Variants in MAMDC2 observed in about 807,000 individuals in gnomAD.
MAMDC2 encodes MAM domain-containing protein 2.
MAMDC2 carries 57 observed loss-of-function variants against 89.8 expected under a neutral mutation model. That is an observed-to-expected ratio of 0.63 (90% CI 0.51 to 0.79). The LOEUF (loss-of-function observed/expected upper bound fraction) is 0.79, where lower values mean the gene tolerates loss of function less well. MAMDC2 is among the 30% of genes least tolerant of loss of function. The probability of loss-of-function intolerance (pLI) is 0.00; values close to 1 mark genes in which losing one functional copy is unlikely to be tolerated. For synonymous variants in MAMDC2, 313 were observed against 293.4 expected (o/e 1.07, Z -0.68); for missense variants, 800 against 820.6 (o/e 0.97, Z 0.31).
At chr9:70,165,982 G>A (rs2032157858) in intron 9 of MAMDC2, among the ~76,000 whole-genome samples, 1 of 152,102 alleles carries the variant, frequency 6.6e-6, no homozygotes, top group Admixed American at 6.5e-5. Context: ...GCTCATGCCT[G>A]TAATCCTAAC....
chr9:70,210,998 A>G (rs10868713), intron 11 of MAMDC2, among the ~76,000 whole-genome samples: 118,684 of 151,584 alleles, frequency 0.78, 46,580 homozygotes, highest in Admixed American at 0.83. Flanking sequence ...CCAAGAGATC[A>G]GCTATTAGTT....
chr9:70,111,954 G>C (rs894037632), intron 4 of MAMDC2, among the ~76,000 whole-genome samples: 5 of 152,178 alleles, frequency 3.3e-5, no homozygotes, highest in African/African-American at 9.7e-5. Context: ...TCAAACAAGG[G>C]CTGCTTGACA....
At chr9:70,217,375 A>G (rs1201778347) in intron 11 of MAMDC2, 4 of 1,340,414 alleles carry the variant, frequency 3.0e-6, no homozygotes, top group Admixed American at 3.4e-5. Context: ...GAAGCACAAA[A>G]AGGGAGAGTC....
Position 70,205,793 on chromosome 9 carries a change from TCAA to T in MAMDC2, c.1652-12543_1652-12541del, listed in dbSNP as rs1156316169. Among the ~76,000 whole-genome samples the T allele has an allele frequency of 1.2e-4, 18 of 152,246 alleles. No individual in the cohort carries two copies. The South Asian group carries it at 3.7e-3, about 32-fold the overall frequency. On this transcript the variant is annotated intron_variant, in intron 11 of 13. Transcript: ENST00000377182. ...ACAACATGTGAGCTGGTCTGAAGCTTCAATACTGGGGCTTCCTGGCTCCCATCC... is the reference window on the plus strand; with the variant it reads ...ACAACATGTGAGCTGGTCTGAAGCTTTACTGGGGCTTCCTGGCTCCCATCC...
At position 70,119,460 on chromosome 9, in the gene MAMDC2, T is replaced by C. The variant is rs114223763; in HGVS notation, c.643+6328T>C. 9.0e-3 allele frequency among the ~76,000 whole-genome samples: 1,372 copies of C among 152,318 alleles called. 24 individuals carry two copies. Among genetic ancestry groups the C allele is most frequent in the African/African-American group, 0.032 (1,321 of 41,578 alleles). Reference sequence around the variant, plus strand: ...TTTATTTACTCTCTGCATTGATCCATTTGGTGCGTGGTGTAAGTACTCGGT... The same window carrying C: ...TTTATTTACTCTCTGCATTGATCCACTTGGTGCGTGGTGTAAGTACTCGGT... On this transcript the variant is annotated intron_variant, in intron 5 of 13. Coordinates refer to ENST00000377182, the MANE Select transcript of MAMDC2 (RefSeq NM_153267.5).
intron 11 of MAMDC2, among the ~76,000 whole-genome samples, chr9:70,210,467 C>G (rs184094437): frequency 6.6e-6 from 1 of 152,122 alleles, no homozygotes; most frequent in African/African-American, 2.4e-5. Context: ...CTGCCTTTTT[C>G]TTGTTTTCCA....
chr9:70,199,527 T>C (rs1427877361), intron 11 of MAMDC2, among the ~76,000 whole-genome samples: 1 of 146,438 alleles, frequency 6.8e-6, no homozygotes, highest in Non-Finnish European at 1.5e-5. Flanking sequence ...GCATGTGTCT[T>C]TATAGCAGCA....
At chr9:70,187,808 TTTCA>T (rs1422051500) in intron 11 of MAMDC2, among the ~76,000 whole-genome samples, 1 of 152,216 alleles carries the variant, frequency 6.6e-6, no homozygotes, top group African/African-American at 2.4e-5. Context: ...TTTGGATTGC[TTTCA>T]TTTTTTGGCT....
intron 11 of MAMDC2, among the ~76,000 whole-genome samples, chr9:70,208,899 T>A (rs2033288814): frequency 6.6e-6 from 1 of 151,618 alleles, no homozygotes; most frequent in African/African-American, 2.4e-5. Context: ...CATGTGGTTT[T>A]TGTCTTTGGT....
intron 9 of MAMDC2, among the ~76,000 whole-genome samples, chr9:70,166,999 C>G (rs1051900523): frequency 6.6e-6 from 1 of 152,120 alleles, no homozygotes; most frequent in Non-Finnish European, 1.5e-5. Context: ...TAACCGCATT[C>G]AGGGCTGATG....
At chr9:70,086,694 TTGAG>T (rs1827777066) in intron 2 of MAMDC2, 1 of 152,138 alleles carries the variant, frequency 6.6e-6, no homozygotes, top group African/African-American at 2.4e-5. Flanking sequence ...CCTCCAGGGA[TTGAG>T]TTTTTGACCT....
At chr9:70,160,684 G>A (rs989201763) in intron 9 of MAMDC2, among the ~76,000 whole-genome samples, 11 of 152,112 alleles carry the variant, frequency 7.2e-5, no homozygotes, top group African/African-American at 1.9e-4. Flanking sequence ...TGATGTCTTC[G>A]GCTAAGGGTG....
At chr9:70,121,195 CTA>C (rs1247578230) in intron 5 of MAMDC2, among the ~76,000 whole-genome samples, 3 of 152,212 alleles carry the variant, frequency 2.0e-5, no homozygotes, top group Non-Finnish European at 4.4e-5. Flanking sequence ...AGTTCTTTCC[CTA>C]ATGCAAGGGG....
At chr9:70,160,186 T>C (rs2031922242) in intron 9 of MAMDC2, among the ~76,000 whole-genome samples, 1 of 151,756 alleles carries the variant, frequency 6.6e-6, no homozygotes, top group South Asian at 2.1e-4. Context: ...CACTCTAGCC[T>C]GGGCAACAGA....
At chr9:70,126,626 T>C (rs1489184546) in intron 6 of MAMDC2, among the ~76,000 whole-genome samples, 1 of 152,188 alleles carries the variant, frequency 6.6e-6, no homozygotes, top group Non-Finnish European at 1.5e-5. Flanking sequence ...CTTCATTTCC[T>C]AGCAAGAGTC....
chr9:70,146,354 T>G (rs2031403874), intron 9 of MAMDC2, among the ~76,000 whole-genome samples: 1 of 152,124 alleles, frequency 6.6e-6, no homozygotes. Flanking sequence ...TCAGCCCCAG[T>G]GCAGATGAGG....
At chr9:70,193,388 AGCATAC>A (rs2032922159) in intron 11 of MAMDC2, among the ~76,000 whole-genome samples, 1 of 152,150 alleles carries the variant, frequency 6.6e-6, no homozygotes, top group Non-Finnish European at 1.5e-5. Context: ...CAGCTAAGGC[AGCATAC>A]GCATTTAAAA....
chr9:70,108,212 C>T lies in MAMDC2; in HGVS notation c.150C>T (p.Gly50=). ...ASLPWILNEE[G]HYIYVDTSFG... ...TCCTATGTTCCTTTCTCTTTCCAGG[C>T]CATTACATTTATGTGGATACCTCCT... Residue 50 remains glycine, a splice_region_variant and synonymous_variant, in exon 3 of 14, where the codon GGC becomes GGT. Transcript: ENST00000377182. 6.3e-7 allele frequency: 1 copy of T among 1,581,450 alleles called. No individual in the cohort carries two copies. Among genetic ancestry groups the T allele is most frequent in the South Asian group, 1.2e-5 (1 of 85,206 alleles).
At chr9:70,067,155 G>A (rs1827286073) in intron 2 of MAMDC2, among the ~76,000 whole-genome samples, 2 of 152,206 alleles carry the variant, frequency 1.3e-5, no homozygotes, top group South Asian at 2.1e-4. Flanking sequence ...GTTTTTCCAA[G>A]TCGGGGAAAG....
Sources: gnomAD v4.1 joint callset for allele counts (sites outside exome capture counted in the v4.1 genomes callset) on GRCh38, gnomAD v4.1.1 for gene constraint, MANE v1.5 for transcripts, NCBI Gene and HGNC (gene_info 2026-07-23, HGNC 2026-07-21) for gene names.